Variants in HIVEP3 observed in about 807,000 individuals in gnomAD.
HIVEP3 encodes transcription factor HIVEP3.
HIVEP3 carries 49 observed loss-of-function variants against 152.8 expected under a neutral mutation model. The ratio of observed to expected loss-of-function variants is 0.32; its 90% CI spans 0.26 to 0.41. HIVEP3 has a LOEUF of 0.41. Ranked by LOEUF, HIVEP3 falls within the 10% of genes least tolerant of loss-of-function variation. The pLI is 1.00. For missense variants in HIVEP3, 2,790 were observed against 3,103.3 expected (o/e 0.90, Z 2.40); for synonymous variants, 1,269 against 1,289.0 (o/e 0.98, Z 0.33).
intron 2 of HIVEP3, 72 bp from the exon 3 acceptor site, chr1:41,629,019 T>C (rs1020324113): frequency 1.7e-6 from 2 of 1,145,212 alleles, no homozygotes; most frequent in Non-Finnish European, 2.2e-6. Flanking sequence ...GAACAATCCC[T>C]GCCTGGTCCC....
At chr1:41,753,980 T>C (rs977003129) in intron 1 of HIVEP3, among the ~76,000 whole-genome samples, 3 of 151,646 alleles carry the variant, frequency 2.0e-5, no homozygotes, top group Admixed American at 6.6e-5. Flanking sequence ...TGGAGGTGAG[T>C]GCCGATGGAG....
intron 3 of HIVEP3, among the ~76,000 whole-genome samples, chr1:41,599,706 C>G (rs1644718394): frequency 6.6e-6 from 1 of 152,076 alleles, no homozygotes. Context: ...AAAGCATACA[C>G]AACAAAAGTA....
chr1:41,512,863 G>A lies in HIVEP3; in HGVS notation c.6358C>T (p.Pro2120Ser), dbSNP rs1396202183. The change falls in exon 8 of 9, where the codon CCT becomes TCT. Residue 2120 changes from proline to serine, a missense_variant. Pro to Ser is a moderately conservative substitution (Grantham distance 74). Transcript: ENST00000372583. ...PRVLFPPAPL[P>S]HKLLSRSPET... ...GGGCTTCTGCTGAGGAGCTTGTGAG[G>A]TAGAGGCGCGGGCGGGAAGAGAACC... 2.6e-6 allele frequency: 4 copies of A among 1,547,838 alleles called. No individual in the cohort carries two copies. The highest frequency in any genetic ancestry group is 1.9e-5 in the Admixed American group (1 of 52,108).
At chr1:41,862,000 G>A (rs72671263) in intron 1 of HIVEP3, among the ~76,000 whole-genome samples, 30,795 of 151,992 alleles carry the variant, frequency 0.2, 3,353 homozygotes, top group African/African-American at 0.28. Flanking sequence ...GCCGGGGGGC[G>A]GATGAAGGAT....
In HIVEP3 at chr1:41,522,821, T is replaced by A. The variant is rs1029165482; in HGVS notation, c.5383+1914A>T. Among the ~76,000 whole-genome samples, 9 of 152,338 alleles carry A rather than the reference T, an allele frequency of 5.9e-5. No homozygotes were observed. In the East Asian group the frequency reaches 1.5e-3, roughly 26 times the overall value. The stretch of plus-strand genomic sequence containing the variant: ...CTCACGCGGCAGAGTGATGGTTTCC[T>A]GAGGCGATGGGCAGCCCAGGCTGCG... On this transcript the variant is annotated intron_variant, in intron 6 of 8. Transcript: ENST00000372583.
At chr1:41,779,304 T>C (rs2124279249) in intron 1 of HIVEP3, among the ~76,000 whole-genome samples, 1 of 152,322 alleles carries the variant, frequency 6.6e-6, no homozygotes, top group East Asian at 1.9e-4. Flanking sequence ...AACTCTGCCA[T>C]TCCCTACTTG....
chr1:42,024,263 A>G (rs77935137), intron 1 of HIVEP3, among the ~76,000 whole-genome samples: 2,048 of 152,294 alleles, frequency 0.013, 49 homozygotes, highest in African/African-American at 0.046. Context: ...CCTTGTGAAC[A>G]TAATTTTTTA....
At chr1:41,655,026 C>T (rs1313681265) in intron 2 of HIVEP3, among the ~76,000 whole-genome samples, 1 of 152,182 alleles carries the variant, frequency 6.6e-6, no homozygotes, top group Non-Finnish European at 1.5e-5. Flanking sequence ...AGCCCTGTCC[C>T]ATGCAGCTAT....
intron 1 of HIVEP3, among the ~76,000 whole-genome samples, chr1:41,846,505 T>A (rs888666329): frequency 6.6e-6 from 1 of 152,216 alleles, no homozygotes; most frequent in African/African-American, 2.4e-5. Flanking sequence ...CAAGGTTGTA[T>A]CCGGTGAGGA....
intron 1 of HIVEP3, among the ~76,000 whole-genome samples, chr1:41,940,003 C>T (rs901594961): frequency 2.0e-5 from 3 of 151,950 alleles, no homozygotes; most frequent in South Asian, 2.1e-4. Context: ...GTCTGAGGCA[C>T]CTAGCCTTAG....
intron 1 of HIVEP3, among the ~76,000 whole-genome samples, chr1:41,701,793 C>T (rs1258135004): frequency 6.6e-6 from 1 of 152,218 alleles, no homozygotes; most frequent in Non-Finnish European, 1.5e-5. Context: ...AGGTTGGACA[C>T]ATACTCATTT....
chr1:41,905,055 T>A (rs1042531818), intron 1 of HIVEP3, among the ~76,000 whole-genome samples: 2 of 152,148 alleles, frequency 1.3e-5, no homozygotes, highest in African/African-American at 4.8e-5. Context: ...CTGTGGAACA[T>A]GAAGATTTTT....
Position 41,582,306 on chromosome 1 carries a change from G to C in HIVEP3, c.2492C>G (p.Pro831Arg), listed in dbSNP as rs756506027. 3.4e-5 allele frequency: 55 copies of C among 1,614,056 alleles called. No homozygotes were observed. Among genetic ancestry groups the C allele is most frequent in the Non-Finnish European group, 4.7e-5 (55 of 1,180,018 alleles). ...AGAGCGTCCGTGTGGGGCAGGTGGG[G>C]GTGATGGGAACTGGGCCAGAGGTTT... ...EDKPLAQFPS[P>R]PPAPHGRSAH... Residue 831 changes from proline to arginine, a missense_variant, in exon 4 of 9, where the codon CCC becomes CGC. By Grantham distance (103) the Pro-to-Arg change is moderately radical. This residue lies in a region of HIVEP3 where 1,078 missense variants were observed against 1,165.3 expected (regional missense o/e 0.93). Transcript: ENST00000372583. This position sits in a 1 kb window ranked among gnomAD's most constrained non-coding sequence, Gnocchi z 4.7.
intron 1 of HIVEP3, among the ~76,000 whole-genome samples, chr1:41,738,738 C>T (rs1325843263): frequency 1.3e-5 from 2 of 152,170 alleles, no homozygotes; most frequent in Non-Finnish European, 2.9e-5. Flanking sequence ...TTTCTCCATG[C>T]CTTAGCTTCT....
intron 1 of HIVEP3, among the ~76,000 whole-genome samples, chr1:41,836,516 G>A (rs554375683): frequency 4.1e-4 from 63 of 152,286 alleles, no homozygotes; most frequent in African/African-American, 1.3e-3. Context: ...ATCTCCTTAC[G>A]AGTAATCCCA....
intron 1 of HIVEP3, among the ~76,000 whole-genome samples, chr1:42,012,654 C>T (rs1251343866): frequency 2.6e-5 from 4 of 152,012 alleles, no homozygotes; most frequent in Non-Finnish European, 5.9e-5. Flanking sequence ...TGTGCCGCTG[C>T]ACTCCAGCCT....
rs77051382 is a variant in HIVEP3, at chr1:41,512,496, T to C, written c.6405+320A>G. ...TGTGAGCCTATTCAACCTCTTTTCA[T>C]TATAAATTACCCAGTCTCAGGAATT... On this transcript the variant is annotated intron_variant, in intron 8 of 8. Coordinates refer to ENST00000372583, the MANE Select transcript of HIVEP3 (RefSeq NM_024503.5). 1.2e-3 allele frequency among the ~76,000 whole-genome samples: 187 copies of C among 152,340 alleles called. 1 individual carries two copies. The highest frequency in any genetic ancestry group is 3.9e-3 in the African/African-American group (164 of 41,576).
intron 2 of HIVEP3, among the ~76,000 whole-genome samples, chr1:41,661,722 CG>C (rs1645715363): frequency 6.6e-6 from 1 of 152,228 alleles, no homozygotes; most frequent in Admixed American, 6.5e-5. Flanking sequence ...CCGGGTGTGC[CG>C]TGTCCCACGG....
chr1:41,862,974 T>C (rs887014043), intron 1 of HIVEP3, among the ~76,000 whole-genome samples: 1 of 152,188 alleles, frequency 6.6e-6, no homozygotes, highest in African/African-American at 2.4e-5. Flanking sequence ...AAACAATGAA[T>C]GCACACACAC....
Sources: allele counts gnomAD v4.1 joint callset (sites outside exome capture counted in the v4.1 genomes callset), GRCh38; gene constraint gnomAD v4.1.1; regional missense constraint gnomAD v4.1.1; non-coding constraint Gnocchi (gnomAD v3.1); transcripts MANE v1.5; gene names NCBI Gene and HGNC (gene_info 2026-07-23, HGNC 2026-07-21).